The following NRN1 variants were observed in gnomAD, a reference collection of about 807,000 sequenced individuals.
NRN1 encodes neuritin 1, also known as neuritin.
In NRN1, 4 loss-of-function variants were observed where a neutral mutation model predicts 15.0. The ratio of observed to expected loss-of-function variants is 0.27; its 90% confidence interval spans 0.13 to 0.61. NRN1 has a LOEUF of 0.61. Among genes scored for constraint, NRN1 ranks in the 20% least tolerant of loss-of-function variants. The pLI is 0.87. For missense variants in NRN1, 134 were observed against 181.9 expected, an observed-to-expected ratio of 0.74 and a Z score of 1.51; for synonymous variants, 85 against 79.8, an observed-to-expected ratio of 1.07 and a Z score of -0.35.
At chr6:6,004,240 T>C (rs1758047746) in intron 1 of NRN1, among the ~76,000 whole-genome samples, 1 of 152,186 alleles carries the variant, frequency 6.6e-6, no homozygotes, top group Non-Finnish European at 1.5e-5. Context: ...GCGACTACAA[T>C]ACTAACAAAT....
At position 6,006,861 on chromosome 6, in the gene NRN1, A is replaced by C. The variant is rs1377333002; in HGVS notation, c.-112T>G. 15 of 821,290 alleles carry C rather than the reference A, an allele frequency of 1.8e-5. No homozygotes were observed. The allele number at this position is 821,290 out of a possible 1,614,324, so 50.9% of individuals were successfully genotyped here. Reference sequence around the variant, plus strand: ...CCAACAAGTTCCGGGAGCGACAGAGACTTTATGCACTGGGAAGGCAGAGGG... The same window carrying C: ...CCAACAAGTTCCGGGAGCGACAGAGCCTTTATGCACTGGGAAGGCAGAGGG... On this transcript the variant is annotated 5_prime_UTR_variant, in exon 1 of 3. Coordinates refer to ENST00000244766, the MANE Select transcript of NRN1 (RefSeq NM_016588.3).
chr6:6,006,972 G>T (rs4141784), upstream of NRN1: 1 of 310,222 alleles, frequency 3.2e-6, no homozygotes, highest in Non-Finnish European at 6.1e-6. Flanking sequence ...AGGGGGGGGG[G>T]AGAGCTGGGA....
rs1758033100 is a variant in NRN1, at chr6:6,003,796, G to C, written c.56-1299C>G. Reference sequence around the variant, plus strand: ...AGTGCCTAGCGGCCCAAAGCAGCCCGGGCGCCGGGAGGGCGCCAGAGAAGC... The same window carrying C: ...AGTGCCTAGCGGCCCAAAGCAGCCCCGGCGCCGGGAGGGCGCCAGAGAAGC... On this transcript the variant is annotated intron_variant, in intron 1 of 2. Transcript: ENST00000244766. 7.3e-6 allele frequency: 9 copies of C among 1,233,822 alleles called. No individual in the cohort carries two copies. In the South Asian group the frequency reaches 2.0e-4, roughly 28 times the overall value. 76.4% of individuals were successfully genotyped at this position (1,233,822 alleles called of 1,614,324 possible).
At chr6:6,003,658 T>G in intron 1 of NRN1, 2 of 1,202,448 alleles carry the variant, frequency 1.7e-6, no homozygotes, top group Non-Finnish European at 2.1e-6. Context: ...GCCCCCGGCC[T>G]CTGGACGGCC....
intron 1 of NRN1, among the ~76,000 whole-genome samples, chr6:6,005,971 A>C (rs952153996): frequency 6.6e-6 from 1 of 152,244 alleles, no homozygotes; most frequent in Admixed American, 6.5e-5. Context: ...ACCCGACATG[A>C]CATATTCCAA....
intron 1 of NRN1, among the ~76,000 whole-genome samples, chr6:6,006,196 TA>T (rs1456739096): frequency 6.6e-6 from 1 of 151,798 alleles, no homozygotes. Context: ...AGCTAGGATA[TA>T]GGGGGGAGGA....
Position 6,006,767 on chromosome 6 carries a change from C to A in NRN1, c.-18G>T. Reference sequence around the variant, plus strand: ...AGTCCCATCCTACGTTTAGTCAAACCATTTGCGACCGCAGACCTTTAAATA... The same window carrying A: ...AGTCCCATCCTACGTTTAGTCAAACAATTTGCGACCGCAGACCTTTAAATA... On this transcript the variant is annotated 5_prime_UTR_variant, in exon 1 of 3. The change abolishes an upstream ATG in the 5' untranslated region. Coordinates refer to ENST00000244766, the MANE Select transcript of NRN1 (RefSeq NM_016588.3). 1.9e-6 allele frequency: 3 copies of A among 1,613,482 alleles called. No homozygotes were observed. Among genetic ancestry groups the A allele is most frequent in the Non-Finnish European group, 2.5e-6 (3 of 1,179,414 alleles).
At chr6:6,001,600 A>G (rs910752933) in intron 2 of NRN1, among the ~76,000 whole-genome samples, 11 of 152,184 alleles carry the variant, frequency 7.2e-5, no homozygotes, top group African/African-American at 2.7e-4. Context: ...GGGACGCCTT[A>G]CAGATGTGCG....
intron 1 of NRN1, among the ~76,000 whole-genome samples, chr6:6,005,052 C>T (rs1758070413): frequency 6.6e-6 from 1 of 151,958 alleles, no homozygotes; most frequent in African/African-American, 2.4e-5. Context: ...AATTTCAATT[C>T]CACAGTCAAC....
intron 2 of NRN1, among the ~76,000 whole-genome samples, chr6:6,000,608 A>T (rs1757916544): frequency 6.6e-6 from 1 of 151,958 alleles, no homozygotes; most frequent in Admixed American, 6.6e-5. Flanking sequence ...CAGAGCTTCC[A>T]GGTTCCTCAA....
intron 1 of NRN1, chr6:6,003,166 T>C (rs1485560113): frequency 8.1e-7 from 1 of 1,231,272 alleles, no homozygotes; most frequent in African/African-American, 1.6e-5. Context: ...ACCGATTGCC[T>C]ACCGTGGACT....
chr6:6,006,765 A>G lies in NRN1; in HGVS notation c.-16T>C. 6.2e-7 allele frequency: 1 copy of G among 1,613,408 alleles called. No homozygotes were observed. The highest frequency in any genetic ancestry group is 8.5e-7 in the Non-Finnish European group (1 of 1,179,358). On this transcript the variant is annotated 5_prime_UTR_variant, in exon 1 of 3. Transcript: ENST00000244766. Reference sequence around the variant, plus strand: ...TAAGTCCCATCCTACGTTTAGTCAAACCATTTGCGACCGCAGACCTTTAAA... The same window carrying G: ...TAAGTCCCATCCTACGTTTAGTCAAGCCATTTGCGACCGCAGACCTTTAAA...
intron 1 of NRN1, among the ~76,000 whole-genome samples, chr6:6,005,901 T>A (rs1220566429): frequency 6.6e-6 from 1 of 152,174 alleles, no homozygotes; most frequent in Admixed American, 6.5e-5. Flanking sequence ...TTCCTTAACA[T>A]AAAATGGGGA....
chr6:6,006,669 T>C, intron 1 of NRN1, 26 bp downstream of exon 1: 1 of 1,612,578 alleles, frequency 6.2e-7, no homozygotes, highest in Non-Finnish European at 8.5e-7. Flanking sequence ...GCCTCCAGCC[T>C]CCAGCCGGGC....
At position 5,998,762 on chromosome 6, in the gene NRN1, G is replaced by C; in HGVS notation, c.*214C>G. On this transcript the variant is annotated 3_prime_UTR_variant, in exon 3 of 3. Coordinates refer to ENST00000244766, the MANE Select transcript of NRN1 (RefSeq NM_016588.3). The stretch of plus-strand genomic sequence containing the variant: ...AAAGCTGAGGTCCGATTTTGGCTGT[G>C]CTTGCTTGCTCACTGATTGGTAACA... 2 of 567,100 alleles carry C rather than the reference G, an allele frequency of 3.5e-6. No individual in the cohort carries two copies. The highest frequency in any genetic ancestry group is 6.3e-6 in the Non-Finnish European group (2 of 319,376). The allele number at this position is 567,100 out of a possible 1,614,324, so 35.1% of individuals were successfully genotyped here. A position where few individuals can be genotyped will look rare whatever the true frequency, so the allele number is the denominator to read the frequency against.
chr6:6,000,496 GT>G (rs1391555928), intron 2 of NRN1, among the ~76,000 whole-genome samples: 1 of 152,076 alleles, frequency 6.6e-6, no homozygotes, highest in Non-Finnish European at 1.5e-5. Flanking sequence ...CTTCTACATG[GT>G]TTGGTTGTAT....
intron 1 of NRN1, chr6:6,002,815 C>T: frequency 2.3e-6 from 1 of 432,942 alleles, no homozygotes; most frequent in Non-Finnish European, 4.1e-6. Context: ...TCCATCGCCC[C>T]CTCTTCTCAC....
chr6:6,006,676 G>A lies in NRN1; in HGVS notation c.55+19C>T. On this transcript the variant is annotated intron_variant, in intron 1 of 2. Coordinates refer to ENST00000244766, the MANE Select transcript of NRN1 (RefSeq NM_016588.3). Reference sequence around the variant, plus strand: ...TGCCTCCCGCCTCCAGCCTCCAGCCGGGCTGAGCGGCCACTTACCTATTTG... The same window carrying A: ...TGCCTCCCGCCTCCAGCCTCCAGCCAGGCTGAGCGGCCACTTACCTATTTG... 1 of 1,613,260 alleles carries A rather than the reference G, an allele frequency of 6.2e-7. No individual in the cohort carries two copies. The highest frequency in any genetic ancestry group is 1.3e-5 in the African/African-American group (1 of 75,018).
intron 1 of NRN1, 122 bp downstream of exon 1, chr6:6,006,573 G>C: frequency 2.3e-6 from 2 of 851,394 alleles, no homozygotes; most frequent in Non-Finnish European, 3.9e-6. Context: ...CCCACCCTCG[G>C]GGGATTGCCG....
Sources: allele counts gnomAD v4.1 joint callset (sites outside exome capture counted in the v4.1 genomes callset), GRCh38; gene constraint gnomAD v4.1.1; transcripts MANE v1.5; gene names NCBI Gene and HGNC (gene_info 2026-07-23, HGNC 2026-07-21).